Variants in EPHB3 observed in about 807,000 individuals in gnomAD.
EPHB3 encodes ephrin type-B receptor 3.
A neutral mutation model predicts 100.2 loss-of-function variants in EPHB3; 33 were observed. The ratio of observed to expected loss-of-function variants is 0.33; its 90% confidence interval spans 0.25 to 0.44. EPHB3 has a LOEUF of 0.44. EPHB3 is among the 20% of genes least tolerant of loss of function. The pLI is 1.00. For missense variants in EPHB3, 1,045 were observed against 1,378.3 expected, an observed-to-expected ratio of 0.76 and a Z score of 3.83; for synonymous variants, 526 against 554.7, an observed-to-expected ratio of 0.95 and a Z score of 0.73.
chr3:184,572,689 C>T lies in EPHB3; in HGVS notation c.369C>T (p.Pro123=), dbSNP rs574156117. 7.8e-5 allele frequency: 125 copies of T among 1,607,968 alleles called. No homozygotes were observed. The highest frequency in any genetic ancestry group is 9.2e-5 in the Non-Finnish European group (108 of 1,177,312). The change falls in exon 3 of 16, where the codon CCC becomes CCT. Residue 123 remains proline (P), a synonymous_variant. Transcript: ENST00000330394. This position sits in a 1 kb window ranked among gnomAD's most constrained non-coding sequence, Gnocchi z 6.6. ...VRDCNSIPNI[P]GSCKETFNLF... ...ACTGCAACAGCATCCCCAACATCCC[C>T]GGCTCCTGCAAGGAGACCTTCAACC... is the stretch of plus-strand genomic sequence containing the variant.
At chr3:184,568,806 T>A (rs1243322331) in intron 1 of EPHB3, among the ~76,000 whole-genome samples, 1 of 152,100 alleles carries the variant, frequency 6.6e-6, no homozygotes, top group Non-Finnish European at 1.5e-5. Flanking sequence ...GAAACCCAAG[T>A]CCTCTCTTCA....
chr3:184,577,723 T>C lies in EPHB3; in HGVS notation c.1545T>C (p.Pro515=). ...MNSVQLDGLR[P]DARYVVQVRA... ...CCGTGCAGCTGGACGGGCTTCGGCCTGACGCCCGCTATGTGGTCCAGGTCC... is the reference window on the plus strand; with the variant it reads ...CCGTGCAGCTGGACGGGCTTCGGCCCGACGCCCGCTATGTGGTCCAGGTCC... Residue 515 remains proline (P), a synonymous_variant, in exon 7 of 16, where the codon CCT becomes CCC. Coordinates refer to ENST00000330394, the MANE Select transcript of EPHB3 (RefSeq NM_004443.4). The surrounding 1 kb of genome is among the most constrained non-coding windows in gnomAD (Gnocchi z 4.9). 1.2e-6 allele frequency: 2 copies of C among 1,611,312 alleles called. No homozygotes were observed. The highest frequency in any genetic ancestry group is 1.7e-6 in the Non-Finnish European group (2 of 1,178,274).
chr3:184,575,283 A>T, intron 3 of EPHB3: 1 of 964,514 alleles, frequency 1.0e-6, no homozygotes, highest in Non-Finnish European at 1.2e-6. Flanking sequence ...TCCTCCTCTC[A>T]CCCGTCCTCA....
chr3:184,574,463 GCCT>G (rs767711882), intron 3 of EPHB3, among the ~76,000 whole-genome samples: 1 of 152,238 alleles, frequency 6.6e-6, no homozygotes, highest in Non-Finnish European at 1.5e-5. Flanking sequence ...TGGCACGGAA[GCCT>G]CCTCCTGTGC....
In EPHB3 at chr3:184,581,279, C is replaced by T. The variant is rs1488106731; in HGVS notation, c.2759C>T (p.Thr920Met). The T allele has an allele frequency of 3.1e-6, 5 of 1,599,928 alleles. No homozygotes were observed. The South Asian group carries it at 3.4e-5, about 11-fold the overall frequency. ...ATGTCACAGCCCCTCCTGGACCGCACGGTCCCAGATTACACAACCTTCACG... is the reference window on the plus strand; with the variant it reads ...ATGTCACAGCCCCTCCTGGACCGCATGGTCCCAGATTACACAACCTTCACG... ...SGMSQPLLDR[T>M]VPDYTTFTTV... Residue 920 changes from threonine to methionine, a missense_variant, in exon 15 of 16, where the codon ACG (threonine) becomes ATG (methionine). This residue lies in a region of EPHB3 where 985 missense variants were observed against 1,331.1 expected (regional missense o/e 0.74). Transcript: ENST00000330394.
Position 184,575,837 on chromosome 3 carries a change from C to T in EPHB3, c.864C>T (p.Pro288=). The T allele has an allele frequency of 1.2e-6, 2 of 1,605,404 alleles. No homozygotes were observed. Among genetic ancestry groups the T allele is most frequent in the Non-Finnish European group, 1.7e-6 (2 of 1,175,650 alleles). Residue 288 remains proline, a synonymous_variant, in exon 4 of 16, where the codon CCC becomes CCT. Transcript: ENST00000330394. The part of the protein sequence containing the change: ...AAKESQCRPC[P]PGSYKAKQGE... Reference sequence around the variant, plus strand: ...TCCTCTTCTCTCCCACAGCCTGTCCCCCTGGGAGCTACAAGGCGAAGCAGG... The same window carrying T: ...TCCTCTTCTCTCCCACAGCCTGTCCTCCTGGGAGCTACAAGGCGAAGCAGG...
Position 184,569,639 on chromosome 3 carries a change from G to A in EPHB3, c.119-1679G>A, listed in dbSNP as rs886176526. 1.3e-5 allele frequency among the ~76,000 whole-genome samples: 2 copies of A among 152,208 alleles called. No homozygotes were observed. The highest frequency in any genetic ancestry group is 2.9e-5 in the Non-Finnish European group (2 of 68,028). On this transcript the variant is annotated intron_variant, in intron 1 of 15. Transcript: ENST00000330394. This position sits in a 1 kb window ranked among gnomAD's most constrained non-coding sequence, Gnocchi z 5.4. ...AGGGGACCAGGGGCTGCGGCAGCGG[G>A]AGGAGCCTCCCTCCCTGCAGTGAAT...
rs1297621055 is a variant in EPHB3 at position 184,579,773 on chromosome 3, T to C, written c.2011T>C (p.Tyr671His). 6.2e-6 allele frequency: 10 copies of C among 1,612,168 alleles called. No individual in the cohort carries two copies. The highest frequency in any genetic ancestry group is 8.5e-6 in the Non-Finnish European group (10 of 1,179,430). ...GGCCATCAAGACGCTGAAGGTGGGC[T>C]ACACCGAGAGGCAGCGGCGGGACTT... Reference protein sequence around the residue: ...FVAIKTLKVGYTERQRRDFLS... With the variant: ...FVAIKTLKVGHTERQRRDFLS... Residue 671 changes from tyrosine (Y) to histidine (H), a missense_variant, in exon 11 of 16, where the codon TAC becomes CAC. Transcript: ENST00000330394. The surrounding 1 kb of genome is among the most constrained non-coding windows in gnomAD (Gnocchi z 5.2).
Position 184,578,567 on chromosome 3 carries a change from C to G in EPHB3, c.1801+101C>G, listed in dbSNP as rs1714743276. ...GGGACTTCATTCCTTAGAGATAAACCCTGAATGCCCCCTCCCACTTCCAGT... is the reference window on the plus strand; with the variant it reads ...GGGACTTCATTCCTTAGAGATAAACGCTGAATGCCCCCTCCCACTTCCAGT... On this transcript the variant is annotated intron_variant, in intron 9 of 15. Transcript: ENST00000330394. The surrounding 1 kb of genome is among the most constrained non-coding windows in gnomAD (Gnocchi z 4.7). 3 of 1,450,148 alleles carry G rather than the reference C, an allele frequency of 2.1e-6. No individual in the cohort carries two copies. The highest frequency in any genetic ancestry group is 2.9e-6 in the Non-Finnish European group (3 of 1,048,216). 89.8% of individuals were successfully genotyped at this position (1,450,148 alleles called of 1,614,324 possible). A position where few individuals can be genotyped will look rare whatever the true frequency, so the allele number is the denominator to read the frequency against.
Position 184,573,285 on chromosome 3 carries a change from C to T in EPHB3, c.856+109C>T. ...GCTATCTGACTAGGAGGTCTGGGAG[C>T]AGGTCCACAGTGGAGGCAGGAGAGG... On this transcript the variant is annotated intron_variant, in intron 3 of 15. Transcript: ENST00000330394. This position sits in a 1 kb window ranked among gnomAD's most constrained non-coding sequence, Gnocchi z 4.5. The T allele has an allele frequency of 7.2e-7, 1 of 1,391,284 alleles. No individual in the cohort carries two copies. The highest frequency in any genetic ancestry group is 2.0e-5 in the Admixed American group (1 of 50,396). 86.2% of individuals were successfully genotyped at this position (1,391,284 alleles called of 1,614,324 possible). A position where few individuals can be genotyped will look rare whatever the true frequency, so the allele number is the denominator to read the frequency against.
At chr3:184,575,785 G>T in intron 3 of EPHB3, 45 bp from the exon 4 acceptor site, 3 of 1,541,602 alleles carry the variant, frequency 1.9e-6, no homozygotes, top group Non-Finnish European at 2.6e-6. Context: ...TCTGGTGTCT[G>T]CAGGGAAGGG....
chr3:184,568,063 C>G (rs936247935), intron 1 of EPHB3, among the ~76,000 whole-genome samples: 2 of 152,166 alleles, frequency 1.3e-5, no homozygotes, highest in African/African-American at 4.8e-5. Context: ...ACTTGTCACT[C>G]TTTAGCCCCA....
In EPHB3 at chr3:184,565,876, C is replaced by G. The variant is rs1714372125; in HGVS notation, c.118+3523C>G. Among the ~76,000 whole-genome samples the G allele has an allele frequency of 6.6e-6, 1 of 152,246 alleles. No individual in the cohort carries two copies. The highest frequency in any genetic ancestry group is 2.4e-5 in the African/African-American group (1 of 41,464). ...CGGCTGCTGCGAGCTGAAGCCGAAG[C>G]TGCCGAAGCTGCCGTGGGCAAGGCC... is the stretch of plus-strand genomic sequence containing the variant. On this transcript the variant is annotated intron_variant, in intron 1 of 15. Transcript: ENST00000330394. This position sits in a 1 kb window ranked among gnomAD's most constrained non-coding sequence, Gnocchi z 4.8.
At chr3:184,567,611 T>C (rs1267089260) in intron 1 of EPHB3, among the ~76,000 whole-genome samples, 1 of 152,190 alleles carries the variant, frequency 6.6e-6, no homozygotes, top group African/African-American at 2.4e-5. Context: ...GGCTGTGGCA[T>C]ATTTCAGTGT....
chr3:184,573,247 C>G lies in EPHB3; in HGVS notation c.856+71C>G, dbSNP rs1560058315. ...GCCACAGCTACCTACCGCCCCGCCC[C>G]CCACCCCTGCTTGCTATCTGACTAG... On this transcript the variant is annotated intron_variant, in intron 3 of 15. Transcript: ENST00000330394. This position sits in a 1 kb window ranked among gnomAD's most constrained non-coding sequence, Gnocchi z 4.5. The G allele has an allele frequency of 6.3e-6, 10 of 1,574,926 alleles. No homozygotes were observed. Among genetic ancestry groups the G allele is most frequent in the Non-Finnish European group, 8.6e-6 (10 of 1,164,422 alleles).
chr3:184,575,228 T>G (rs1714641969), intron 3 of EPHB3: 1 of 985,256 alleles, frequency 1.0e-6, no homozygotes, highest in Non-Finnish European at 1.2e-6. Flanking sequence ...ACTTGAGGCC[T>G]CTGAACTCCA....
In EPHB3 at chr3:184,579,989, C is replaced by T. The variant is rs1577531969; in HGVS notation, c.2172+55C>T. ...CCCCCAGAGAGTTGGATTGGGCTCA[C>T]CATCCCCTCCCACAAGTCAGACAGC... On this transcript the variant is annotated intron_variant, in intron 11 of 15. Coordinates refer to ENST00000330394, the MANE Select transcript of EPHB3 (RefSeq NM_004443.4). The surrounding 1 kb of genome is among the most constrained non-coding windows in gnomAD (Gnocchi z 5.2). 2 of 1,572,602 alleles carry T rather than the reference C, an allele frequency of 1.3e-6. No individual in the cohort carries two copies. Among genetic ancestry groups the T allele is most frequent in the Non-Finnish European group, 8.6e-7 (1 of 1,161,306 alleles).
intron 11 of EPHB3, among the ~76,000 whole-genome samples, 195 bp from the exon 12 acceptor site, chr3:184,580,207 T>C (rs1173497412): frequency 6.6e-6 from 1 of 152,226 alleles, no homozygotes; most frequent in African/African-American, 2.4e-5. Flanking sequence ...TAGTGGGTCC[T>C]CATGGGGATT....
In EPHB3 at chr3:184,580,004, A is replaced by G. The variant is rs3935434; in HGVS notation, c.2172+70A>G. 138,678 of 1,560,432 alleles carry G rather than the reference A, an allele frequency of 0.089. 6,744 individuals carry two copies. The highest frequency in any genetic ancestry group is 0.13 in the African/African-American group (9,669 of 73,230). ...ATTGGGCTCACCATCCCCTCCCACA[A>G]GTCAGACAGCCCCTATTCAAGTCCA... On this transcript the variant is annotated intron_variant, in intron 11 of 15. Transcript: ENST00000330394.
Sources: gnomAD v4.1 joint callset for allele counts (sites outside exome capture counted in the v4.1 genomes callset) on GRCh38, gnomAD v4.1.1 for gene constraint, gnomAD v4.1.1 regional missense constraint, Gnocchi (gnomAD v3.1) non-coding constraint, MANE v1.5 for transcripts, NCBI Gene and HGNC (gene_info 2026-07-23, HGNC 2026-07-21) for gene names.